Variants in LRP1B observed in about 807,000 individuals in gnomAD.
LRP1B encodes the protein low-density lipoprotein receptor-related protein 1B.
Under a neutral mutation model 556.6 loss-of-function variants are expected in LRP1B, and 217 were observed. The ratio of observed to expected loss-of-function variants is 0.39; its 90% CI spans 0.35 to 0.44. The LOEUF (loss-of-function observed/expected upper bound fraction) is 0.44, where lower values mean the gene tolerates loss of function less well. LRP1B is among the 20% of genes least tolerant of loss of function. The pLI, the probability that LRP1B is intolerant of heterozygous loss-of-function variation, is 1.00. For missense variants in LRP1B, 5,053 were observed against 5,620.8 expected (o/e 0.90, Z 3.23); for synonymous variants, 2,047 against 1,865.8 (o/e 1.10, Z -2.50).
At chr2:140,647,272 CAGG>C (rs1684518178) in intron 41 of LRP1B, among the ~76,000 whole-genome samples, 1 of 152,150 alleles carries the variant, frequency 6.6e-6, no homozygotes. Context: ...CATATATACA[CAGG>C]AGTTCTGCAA....
chr2:141,105,204 C>T (rs2104949077), intron 7 of LRP1B, among the ~76,000 whole-genome samples: 1 of 152,080 alleles, frequency 6.6e-6, no homozygotes, highest in East Asian at 1.9e-4. Flanking sequence ...TGGCCCTCTT[C>T]AAAATGTGGG....
At chr2:141,068,183 C>T (rs746293372) in intron 7 of LRP1B, among the ~76,000 whole-genome samples, 6 of 151,906 alleles carry the variant, frequency 3.9e-5, no homozygotes, top group African/African-American at 7.2e-5. Context: ...AACATTGAAG[C>T]GGTGTCCTTG....
intron 76 of LRP1B, among the ~76,000 whole-genome samples, chr2:140,351,825 T>G (rs975419094): frequency 6.6e-6 from 1 of 152,142 alleles, no homozygotes; most frequent in Non-Finnish European, 1.5e-5. Context: ...ACTTAGCAAA[T>G]GCTTATTATG....
intron 1 of LRP1B, among the ~76,000 whole-genome samples, chr2:142,094,009 C>T (rs1438080752): frequency 6.6e-6 from 1 of 152,050 alleles, no homozygotes; most frequent in African/African-American, 2.4e-5. Context: ...AAGGTGCCAG[C>T]AGATGTTGTC....
intron 83 of LRP1B, among the ~76,000 whole-genome samples, chr2:140,307,511 C>A (rs1030368659): frequency 1.3e-5 from 2 of 151,592 alleles, no homozygotes; most frequent in African/African-American, 4.8e-5. Flanking sequence ...ACATAAGATG[C>A]TCCTAAGAAT....
chr2:140,330,123 C>T (rs1227181393), intron 79 of LRP1B, among the ~76,000 whole-genome samples: 3 of 150,836 alleles, frequency 2.0e-5, no homozygotes, highest in African/African-American at 4.9e-5. Flanking sequence ...TTGCTTGAAC[C>T]CGGGAGGCAG....
At chr2:140,492,287 T>C (rs1688730942) in intron 57 of LRP1B, among the ~76,000 whole-genome samples, 1 of 152,164 alleles carries the variant, frequency 6.6e-6, no homozygotes, top group Non-Finnish European at 1.5e-5. Context: ...TTCTTTATGT[T>C]GCTGAAAATA....
At chr2:141,324,840 T>A (rs16845783) in intron 3 of LRP1B, among the ~76,000 whole-genome samples, 23,648 of 152,022 alleles carry the variant, frequency 0.16, 1,934 homozygotes, top group South Asian at 0.23. Context: ...CATTAATAAA[T>A]GCTTATCAAT....
intron 7 of LRP1B, among the ~76,000 whole-genome samples, chr2:141,074,943 T>A (rs1699749631): frequency 1.3e-5 from 2 of 152,136 alleles, no homozygotes; most frequent in African/African-American, 4.8e-5. Context: ...TAGATTTGAG[T>A]ATTCCTGTAT....
intron 2 of LRP1B, among the ~76,000 whole-genome samples, chr2:141,751,632 A>T (rs955734037): frequency 6.6e-6 from 1 of 151,962 alleles, no homozygotes; most frequent in Non-Finnish European, 1.5e-5. Flanking sequence ...CTTTGTCCCC[A>T]CCTCACTCCA....
intron 2 of LRP1B, among the ~76,000 whole-genome samples, chr2:141,576,571 T>A (rs116534482): frequency 2.0e-5 from 3 of 151,984 alleles, no homozygotes; most frequent in East Asian, 1.9e-4. Flanking sequence ...TCTTTTTTTT[T>A]AGAAGAAGAA....
chr2:140,300,315 G>T (rs1419972786), intron 83 of LRP1B, among the ~76,000 whole-genome samples: 1 of 152,122 alleles, frequency 6.6e-6, no homozygotes, highest in African/African-American at 2.4e-5. Context: ...GATGGGAAAT[G>T]AACTTTCTGT....
intron 2 of LRP1B, among the ~76,000 whole-genome samples, chr2:141,493,133 G>A (rs945991112): frequency 1.3e-5 from 2 of 152,104 alleles, no homozygotes; most frequent in Admixed American, 1.3e-4. Flanking sequence ...GGAGGAAATG[G>A]AAGATTGCAG....
At chr2:141,642,084 G>A (rs188916258) in intron 2 of LRP1B, among the ~76,000 whole-genome samples, 4 of 152,160 alleles carry the variant, frequency 2.6e-5, no homozygotes, top group East Asian at 1.9e-4. Context: ...TTATATGACC[G>A]TAGATTTAAC....
At chr2:140,774,210 A>C (rs1358689993) in intron 33 of LRP1B, among the ~76,000 whole-genome samples, 1 of 152,098 alleles carries the variant, frequency 6.6e-6, no homozygotes, top group Non-Finnish European at 1.5e-5. Context: ...TTATCAGCAT[A>C]TTCTAGTAAA....
At chr2:142,060,130 A>G (rs961663715) in intron 1 of LRP1B, among the ~76,000 whole-genome samples, 1 of 152,094 alleles carries the variant, frequency 6.6e-6, no homozygotes, top group African/African-American at 2.4e-5. Flanking sequence ...CTAAATTCAA[A>G]TGCTTGAAGA....
intron 1 of LRP1B, among the ~76,000 whole-genome samples, chr2:142,033,334 T>A (rs889585996): frequency 6.6e-6 from 1 of 151,804 alleles, no homozygotes; most frequent in Non-Finnish European, 1.5e-5. Context: ...TATCTTTAAA[T>A]GTTGTCAGTC....
rs114176970 is a variant in LRP1B, at chr2:141,596,349, G to C, written c.206-115816C>G. ...AAAATCAGAACTTATGAAGGATATG[G>C]GAAAATACTGCTTTTTCTAAGTTAC... On this transcript the variant is annotated intron_variant, in intron 2 of 90. Transcript: ENST00000389484. Among the ~76,000 whole-genome samples the C allele has an allele frequency of 7.7e-3, 1,164 of 152,006 alleles. 7 individuals carry two copies. The highest frequency in any genetic ancestry group is 0.011 in the Non-Finnish European group (760 of 67,866).
At position 142,021,365 on chromosome 2, in the gene LRP1B, A is replaced by G. The variant is rs141965550; in HGVS notation, c.82+109283T>C. 1.2e-3 allele frequency among the ~76,000 whole-genome samples: 190 copies of G among 152,170 alleles called. 1 individual carries two copies. Among genetic ancestry groups the G allele is most frequent in the African/African-American group, 4.4e-3 (183 of 41,544 alleles). On this transcript the variant is annotated intron_variant, in intron 1 of 90. Transcript: ENST00000389484. ...GTGGAAAGGAAAAAGGCCCACAACA[A>G]TATTACTTGACTTTGTAAGTCATTA...
Sources: gnomAD v4.1 joint callset for allele counts (sites outside exome capture counted in the v4.1 genomes callset) on GRCh38, gnomAD v4.1.1 for gene constraint, MANE v1.5 for transcripts, NCBI Gene and HGNC (gene_info 2026-07-23, HGNC 2026-07-21) for gene names.